The following WHRN variants were observed in gnomAD, a reference collection of about 807,000 sequenced individuals.
WHRN encodes the protein CASK-interacting protein CIP98.
In WHRN, 41 loss-of-function variants were observed where a neutral mutation model predicts 68.3. That is an observed-to-expected ratio of 0.60 (90% CI 0.47 to 0.78). The LOEUF is 0.78. Ranked by LOEUF, WHRN falls within the 30% of genes least tolerant of loss-of-function variation. WHRN has a pLI of 0.00. For missense variants in WHRN, 1,243 were observed against 1,244.7 expected (o/e 1.00, Z 0.02); for synonymous variants, 560 against 561.3 (o/e 1.00, Z 0.03).
At chr9:114,491,037 T>G (rs1195405386) in intron 1 of WHRN, among the ~76,000 whole-genome samples, 1 of 152,190 alleles carries the variant, frequency 6.6e-6, no homozygotes, top group Non-Finnish European at 1.5e-5. Flanking sequence ...ATTCTCAGAG[T>G]CATAAATATA....
intron 4 of WHRN, chr9:114,425,290 CAGGACCAGGCAGGT>C (rs1451985362): frequency 1.6e-6 from 1 of 628,224 alleles, no homozygotes; most frequent in African/African-American, 1.8e-5. Flanking sequence ...GCCAACCCCG[CAGGACCAGGCAGGT>C]AACACAAGGA....
At chr9:114,469,322 G>A (rs1009147721) in intron 2 of WHRN, among the ~76,000 whole-genome samples, 20 of 152,196 alleles carry the variant, frequency 1.3e-4, no homozygotes, top group African/African-American at 4.8e-4. Flanking sequence ...TTTCGAGCCT[G>A]GAGTCTGTGC....
At chr9:114,462,626 T>C (rs10982228) in intron 3 of WHRN, among the ~76,000 whole-genome samples, 59,616 of 152,002 alleles carry the variant, frequency 0.39, 13,708 homozygotes, top group East Asian at 0.6. Context: ...TTTCTTCAGC[T>C]GTAAACTGAG....
intron 3 of WHRN, among the ~76,000 whole-genome samples, chr9:114,445,855 C>T (rs1838776923): frequency 6.6e-6 from 1 of 152,156 alleles, no homozygotes. Context: ...TCATTTGTTG[C>T]TCCTTTTAAA....
chr9:114,486,173 C>A (rs1447438321), intron 1 of WHRN, among the ~76,000 whole-genome samples: 1 of 152,154 alleles, frequency 6.6e-6, no homozygotes, highest in Non-Finnish European at 1.5e-5. Context: ...ATTCTCTAAA[C>A]CTCGAATCTA....
At chr9:114,465,460 C>A (rs893700476) in intron 3 of WHRN, among the ~76,000 whole-genome samples, 2 of 152,192 alleles carry the variant, frequency 1.3e-5, no homozygotes, top group Admixed American at 1.3e-4. Flanking sequence ...TCACACTCCC[C>A]ATGGCCTGGC....
intron 7 of WHRN, among the ~76,000 whole-genome samples, chr9:114,421,573 G>C (rs1836288052): frequency 6.6e-6 from 1 of 152,194 alleles, no homozygotes; most frequent in Middle Eastern, 3.2e-3. Context: ...ATTCTAAAGG[G>C]ACCACTGTAG....
intron 1 of WHRN, among the ~76,000 whole-genome samples, chr9:114,482,758 T>C (rs1230200701): frequency 1.3e-5 from 2 of 151,696 alleles, no homozygotes; most frequent in African/African-American, 2.4e-5. Flanking sequence ...CCAGCAACAG[T>C]AGAATCCTCT....
chr9:114,491,002 T>C (rs1842927956), intron 1 of WHRN, among the ~76,000 whole-genome samples: 1 of 152,184 alleles, frequency 6.6e-6, no homozygotes, highest in African/African-American at 2.4e-5. Context: ...TGTTTATTCT[T>C]TTTTTTTCTT....
chr9:114,494,255 C>T (rs1039473987), intron 1 of WHRN, among the ~76,000 whole-genome samples: 1 of 152,156 alleles, frequency 6.6e-6, no homozygotes, highest in Non-Finnish European at 1.5e-5. Context: ...TTCTACACTG[C>T]CAGGAAGAGC....
At chr9:114,459,671 A>G (rs1840088531) in intron 3 of WHRN, among the ~76,000 whole-genome samples, 2 of 152,208 alleles carry the variant, frequency 1.3e-5, no homozygotes, top group Admixed American at 1.3e-4. Context: ...CGATATGGTC[A>G]GGCTCCTGGC....
At chr9:114,463,320 T>C (rs563808718) in intron 3 of WHRN, among the ~76,000 whole-genome samples, 2 of 152,352 alleles carry the variant, frequency 1.3e-5, no homozygotes, top group African/African-American at 4.8e-5. Context: ...TCACTCATCC[T>C]GCTTCATCTC....
At chr9:114,450,436 T>C (rs4304391) in intron 3 of WHRN, among the ~76,000 whole-genome samples, 43,532 of 152,022 alleles carry the variant, frequency 0.29, 6,501 homozygotes, top group Admixed American at 0.36. Context: ...CTGCCCTGGC[T>C]GGGTGTTAGA....
chr9:114,439,623 T>G (rs904969211), intron 3 of WHRN, among the ~76,000 whole-genome samples: 1 of 99,156 alleles, frequency 1.0e-5, no homozygotes, highest in Non-Finnish European at 2.7e-5. Flanking sequence ...TATATCTGTA[T>G]GTACACACAC....
At chr9:114,488,512 C>T (rs10982247) in intron 1 of WHRN, among the ~76,000 whole-genome samples, 64,670 of 151,832 alleles carry the variant, frequency 0.43, 14,010 homozygotes, top group Non-Finnish European at 0.45. Flanking sequence ...CCCCCTTAAA[C>T]ACCAGGCCAA....
intron 1 of WHRN, among the ~76,000 whole-genome samples, chr9:114,486,144 CCAAA>C (rs1174421445): frequency 1.6e-4 from 25 of 152,258 alleles, no homozygotes; most frequent in Admixed American, 4.6e-4. Flanking sequence ...GTTCCTTCTC[CCAAA>C]CAGAGGTCCC....
At chr9:114,418,786 AC>A (rs960025153) in intron 7 of WHRN, among the ~76,000 whole-genome samples, 2 of 150,892 alleles carry the variant, frequency 1.3e-5, no homozygotes, top group African/African-American at 4.9e-5. Flanking sequence ...CTCCCTAACC[AC>A]CCCACCCCTC....
chr9:114,402,916 G>T lies in WHRN; in HGVS notation c.2562C>A (p.Asn854Lys), dbSNP rs772831300. The T allele has an allele frequency of 4.3e-6, 7 of 1,612,388 alleles. No individual in the cohort carries two copies. Among genetic ancestry groups the T allele is most frequent in the Non-Finnish European group, 5.9e-6 (7 of 1,179,520 alleles). Reference protein sequence around the residue: ...VTIQRGGSAHNCGQLKVGHVI... With the variant: ...VTIQRGGSAHKCGQLKVGHVI... ...CGTGGCCCACCTTGAGCTGCCCACA[G>T]TTGTGAGCTGAGCCGCCTCTCTGCA... Residue 854 changes from asparagine (N) to lysine (K), a missense_variant, in exon 12 of 12, where the codon AAC becomes AAA. Transcript: ENST00000362057.
chr9:114,477,139 T>C (rs1416164731), intron 2 of WHRN, among the ~76,000 whole-genome samples: 1 of 152,132 alleles, frequency 6.6e-6, no homozygotes, highest in Non-Finnish European at 1.5e-5. Flanking sequence ...TCACCTCCAA[T>C]AGAAGCTGCT....
Sources: gnomAD v4.1 joint callset for allele counts (sites outside exome capture counted in the v4.1 genomes callset) on GRCh38, gnomAD v4.1.1 for gene constraint, MANE v1.5 for transcripts, NCBI Gene and HGNC (gene_info 2026-07-23, HGNC 2026-07-21) for gene names.